PCDHA12: variants seen among roughly 807,000 people sequenced by gnomAD.
PCDHA12 encodes the protein protocadherin alpha-12.
A neutral mutation model predicts 60.0 loss-of-function variants in PCDHA12; 44 were observed. The ratio of observed to expected loss-of-function variants is 0.73; its 90% CI spans 0.58 to 0.94. The LOEUF (loss-of-function observed/expected upper bound fraction) is 0.94. Ranked by LOEUF, PCDHA12 falls within the 40% of genes least tolerant of loss-of-function variation. The probability of loss-of-function intolerance (pLI) is 0.00; values close to 1 mark genes in which losing one functional copy is unlikely to be tolerated. For synonymous variants in PCDHA12, 569 were observed against 553.0 expected (o/e 1.03, Z -0.40); for missense variants, 1,276 against 1,239.7 (o/e 1.03, Z -0.44).
chr5:140,882,002 G>A (rs2153382146), intron 1 of PCDHA12: 1 of 489,088 alleles, frequency 2.0e-6, no homozygotes, highest in South Asian at 5.2e-5. Context: ...AAATGCAAGG[G>A]GCAAAAAAAT....
intron 3 of PCDHA12, among the ~76,000 whole-genome samples, chr5:141,007,672 A>G (rs782403242): frequency 6.6e-6 from 1 of 152,194 alleles, no homozygotes; most frequent in African/African-American, 2.4e-5. Context: ...TACAAAGACA[A>G]AAGTTATCCT....
intron 3 of PCDHA12, among the ~76,000 whole-genome samples, chr5:141,008,680 T>C (rs2098386787): frequency 6.6e-6 from 1 of 152,220 alleles, no homozygotes; most frequent in Non-Finnish European, 1.5e-5. Flanking sequence ...ATACTTTAGT[T>C]ATTGCATGTA....
At chr5:140,888,752 C>A (rs782384703) in intron 1 of PCDHA12, among the ~76,000 whole-genome samples, 44 of 151,842 alleles carry the variant, frequency 2.9e-4, no homozygotes, top group Non-Finnish European at 5.7e-4. Context: ...TTATTCTACC[C>A]ACTTTTTTTT....
chr5:140,944,058 G>A (rs185843356), intron 1 of PCDHA12, among the ~76,000 whole-genome samples: 116 of 152,248 alleles, frequency 7.6e-4, no homozygotes, highest in African/African-American at 2.7e-3. Flanking sequence ...ATACAAAAAG[G>A]TTTCTTGTTA....
intron 1 of PCDHA12, chr5:140,884,487 T>C (rs374963144): frequency 6.2e-7 from 1 of 1,613,832 alleles, no homozygotes; most frequent in African/African-American, 1.3e-5. Flanking sequence ...CCCACTCTAG[T>C]GTGCTCCAGC....
intron 1 of PCDHA12, among the ~76,000 whole-genome samples, chr5:140,886,721 G>A (rs2061104522): frequency 6.6e-6 from 1 of 151,592 alleles, no homozygotes; most frequent in Non-Finnish European, 1.5e-5. Context: ...AGCTACTTGG[G>A]AGGCTGAAGC....
At chr5:140,914,095 C>G (rs1368870998) in intron 1 of PCDHA12, among the ~76,000 whole-genome samples, 1 of 152,082 alleles carries the variant, frequency 6.6e-6, no homozygotes, top group Non-Finnish European at 1.5e-5. Context: ...TCAATTTGTT[C>G]TATAGTGCAG....
intron 1 of PCDHA12, among the ~76,000 whole-genome samples, chr5:140,934,505 G>C (rs155823): frequency 0.32 from 48,260 of 151,744 alleles, 8,006 homozygotes; most frequent in East Asian, 0.53. Flanking sequence ...ACACCCAAAG[G>C]GTCCATAGAC....
chr5:140,993,460 TCTCA>T (rs200310897), intron 3 of PCDHA12, among the ~76,000 whole-genome samples: 2,027 of 104,544 alleles, frequency 0.019, 23 homozygotes, highest in Admixed American at 0.035. Flanking sequence ...CTTCTTTCTT[TCTCA>T]CACACACACA....
At chr5:140,934,013 A>G (rs2089566693) in intron 1 of PCDHA12, among the ~76,000 whole-genome samples, 1 of 151,836 alleles carries the variant, frequency 6.6e-6, no homozygotes. Context: ...TTTCTTGACT[A>G]GACTTGGAAG....
intron 1 of PCDHA12, chr5:140,928,209 T>C: frequency 6.2e-7 from 1 of 1,614,222 alleles, no homozygotes; most frequent in South Asian, 1.1e-5. Flanking sequence ...CTGATGTGAA[T>C]GACAATACAC....
chr5:140,929,430 A>G, intron 1 of PCDHA12: 1 of 1,490,684 alleles, frequency 6.7e-7, no homozygotes, highest in Non-Finnish European at 9.0e-7. Flanking sequence ...CATCAATTGA[A>G]CTAAACACTC....
At chr5:140,882,854 C>G in intron 1 of PCDHA12, 2 of 1,614,196 alleles carry the variant, frequency 1.2e-6, no homozygotes, top group Non-Finnish European at 1.7e-6. Flanking sequence ...ATCACTTGTA[C>G]TGAGGAAAAC....
chr5:140,959,729 C>T (rs910806194), intron 1 of PCDHA12, among the ~76,000 whole-genome samples: 3 of 152,126 alleles, frequency 2.0e-5, no homozygotes, highest in South Asian at 4.1e-4. Context: ...ATAACATTAT[C>T]TCATCAAAAT....
chr5:140,919,847 G>A (rs1309572866), intron 1 of PCDHA12, among the ~76,000 whole-genome samples: 1 of 152,200 alleles, frequency 6.6e-6, no homozygotes, highest in East Asian at 1.9e-4. Flanking sequence ...TTTGGAACCT[G>A]TGACCTCATT....
intron 1 of PCDHA12, among the ~76,000 whole-genome samples, chr5:140,952,723 A>G (rs979234260): frequency 6.6e-6 from 1 of 152,168 alleles, no homozygotes; most frequent in Non-Finnish European, 1.5e-5. Flanking sequence ...AATTTTCTGT[A>G]CTAGTCTTTT....
intron 1 of PCDHA12, among the ~76,000 whole-genome samples, chr5:140,940,458 C>T (rs1041159084): frequency 4.0e-5 from 6 of 151,806 alleles, no homozygotes; most frequent in African/African-American, 1.5e-4. Context: ...TTATAGGTTT[C>T]TGTTCCCTGC....
At chr5:140,982,417 GA>G (rs1554244117) in intron 2 of PCDHA12, 57 bp from the exon 3 acceptor site, 1 of 1,610,428 alleles carries the variant, frequency 6.2e-7, no homozygotes, top group African/African-American at 1.3e-5. Flanking sequence ...GAGGGTGGAA[GA>G]AGAGATGGGA....
intron 1 of PCDHA12, among the ~76,000 whole-genome samples, chr5:140,892,375 A>G (rs1032467069): frequency 1.3e-5 from 2 of 152,226 alleles, no homozygotes; most frequent in African/African-American, 4.8e-5. Flanking sequence ...GGCACTAGCA[A>G]TCATGGGTAA....
Sources: gnomAD v4.1 joint callset for allele counts (sites outside exome capture counted in the v4.1 genomes callset) on GRCh38, gnomAD v4.1.1 for gene constraint, MANE v1.5 for transcripts, NCBI Gene and HGNC (gene_info 2026-07-23, HGNC 2026-07-21) for gene names.